Variants in NOVA1 observed in about 807,000 individuals in gnomAD.
NOVA1 encodes RNA-binding protein Nova-1.
Under a neutral mutation model 38.0 loss-of-function variants are expected in NOVA1, and 7 were observed. That is an observed-to-expected ratio of 0.18 (90% confidence interval 0.10 to 0.35). The LOEUF (loss-of-function observed/expected upper bound fraction) is 0.35. Ranked by LOEUF, NOVA1 falls within the 10% of genes least tolerant of loss-of-function variation. NOVA1 has a pLI of 1.00. For synonymous variants in NOVA1, 270 were observed against 232.5 expected (o/e 1.16, Z -1.47); for missense variants, 460 against 616.0 (o/e 0.75, Z 2.68).
At chr14:26,502,606 GAAA>G (rs35977485) in intron 2 of NOVA1, among the ~76,000 whole-genome samples, 2 of 126,570 alleles carry the variant, frequency 1.6e-5, no homozygotes, top group African/African-American at 2.8e-5. Flanking sequence ...CATGTTTCCA[GAAA>G]AAAAAAAAAA....
chr14:26,486,299 G>A (rs963765685), intron 2 of NOVA1, among the ~76,000 whole-genome samples: 2 of 151,832 alleles, frequency 1.3e-5, no homozygotes, highest in African/African-American at 2.4e-5. Flanking sequence ...TATTTTTGCT[G>A]TTTGCTAAAA....
At chr14:26,477,934 AGATT>A (rs1885117772) in intron 3 of NOVA1, among the ~76,000 whole-genome samples, 1 of 152,054 alleles carries the variant, frequency 6.6e-6, no homozygotes, top group African/African-American at 2.4e-5. Flanking sequence ...ATGTCTTATT[AGATT>A]TAGTGTTGTC....
chr14:26,518,539 T>C (rs1259865368), intron 2 of NOVA1, among the ~76,000 whole-genome samples: 1 of 152,086 alleles, frequency 6.6e-6, no homozygotes, highest in Admixed American at 6.6e-5. Context: ...CACATACTAA[T>C]TGTACATATT....
In NOVA1 at chr14:26,571,951, C is replaced by G. The variant is rs78457724; in HGVS notation, c.280+23459G>C. On this transcript the variant is annotated intron_variant, in intron 2 of 4. Coordinates refer to ENST00000539517, the MANE Select transcript of NOVA1 (RefSeq NM_002515.3). Reference sequence around the variant, plus strand: ...TAAATATAAATAAAGAAGGTGAAAGCATAGACTACAACAGCTTCCAAGTTT... The same window carrying G: ...TAAATATAAATAAAGAAGGTGAAAGGATAGACTACAACAGCTTCCAAGTTT... Among the ~76,000 whole-genome samples, 1,244 of 152,254 alleles carry G rather than the reference C, an allele frequency of 8.2e-3. 10 individuals carry two copies. Among genetic ancestry groups the G allele is most frequent in the Non-Finnish European group, 0.013 (887 of 68,006 alleles).
At chr14:26,488,129 T>C (rs971076655) in intron 2 of NOVA1, among the ~76,000 whole-genome samples, 1 of 152,166 alleles carries the variant, frequency 6.6e-6, no homozygotes, top group Non-Finnish European at 1.5e-5. Flanking sequence ...GGTGATTAAC[T>C]CTACACAATT....
In NOVA1 at chr14:26,597,509, T is replaced by TTTTTC; in HGVS notation, c.-74_-73insGAAAA. 2 of 633,910 alleles carry TTTTTC rather than the reference T, an allele frequency of 3.2e-6. No homozygotes were observed. Among genetic ancestry groups the TTTTTC allele is most frequent in the Non-Finnish European group, 3.9e-6 (2 of 512,064 alleles). The allele number at this position is 633,910 out of a possible 1,614,324, so 39.3% of individuals were successfully genotyped here. On this transcript the variant is annotated 5_prime_UTR_variant, in exon 1 of 5. Transcript: ENST00000539517. ...TTTGGCTTTTTCTTTTCTTTTTTCT[T>TTTTTC]TTTTTTTTTTTTTTTTTTTTGCGTT...
At chr14:26,450,569 CAT>C (rs1882584375) in intron 4 of NOVA1, among the ~76,000 whole-genome samples, 1 of 152,124 alleles carries the variant, frequency 6.6e-6, no homozygotes, top group Admixed American at 6.5e-5. Flanking sequence ...GAATGTTAAA[CAT>C]AAACTTCATA....
intron 2 of NOVA1, among the ~76,000 whole-genome samples, chr14:26,521,790 G>T (rs1370479434): frequency 6.6e-6 from 1 of 152,008 alleles, no homozygotes; most frequent in Non-Finnish European, 1.5e-5. Flanking sequence ...TGCAGGCCAA[G>T]AGGTTAAATC....
At chr14:26,579,798 T>C (rs1893098116) in intron 2 of NOVA1, among the ~76,000 whole-genome samples, 1 of 152,180 alleles carries the variant, frequency 6.6e-6, no homozygotes, top group Non-Finnish European at 1.5e-5. Flanking sequence ...TAAAATTTCT[T>C]AGATCCTTTA....
intron 2 of NOVA1, among the ~76,000 whole-genome samples, chr14:26,524,211 A>G (rs933331478): frequency 2.6e-5 from 4 of 152,202 alleles, no homozygotes; most frequent in South Asian, 2.1e-4. Context: ...AAACCTAGCT[A>G]TAACAGTTTG....
intron 4 of NOVA1, among the ~76,000 whole-genome samples, chr14:26,464,770 A>G (rs1687175745): frequency 6.6e-6 from 1 of 152,172 alleles, no homozygotes; most frequent in African/African-American, 2.4e-5. Flanking sequence ...ATTTTAATTT[A>G]AAAAGGATTG....
chr14:26,499,547 T>C (rs1326538801), intron 2 of NOVA1, among the ~76,000 whole-genome samples: 1 of 152,110 alleles, frequency 6.6e-6, no homozygotes, highest in East Asian at 1.9e-4. Context: ...AGAAACTCTA[T>C]GGGTAACATC....
At chr14:26,473,241 G>T (rs976119465) in intron 3 of NOVA1, among the ~76,000 whole-genome samples, 1 of 151,350 alleles carries the variant, frequency 6.6e-6, no homozygotes, top group African/African-American at 2.4e-5. Context: ...TACACATGTT[G>T]AACAATTCAT....
At chr14:26,582,186 C>T (rs1272477703) in intron 2 of NOVA1, among the ~76,000 whole-genome samples, 1 of 151,638 alleles carries the variant, frequency 6.6e-6, no homozygotes, top group Non-Finnish European at 1.5e-5. Context: ...TTTCCCAAAC[C>T]CGAAATTGTA....
intron 2 of NOVA1, among the ~76,000 whole-genome samples, chr14:26,564,336 T>G (rs1281860050): frequency 2.0e-5 from 3 of 152,126 alleles, no homozygotes; most frequent in Non-Finnish European, 4.4e-5. Context: ...TTTATACATA[T>G]GTATTAATTC....
rs555743390 is a variant in NOVA1 at position 26,536,154 on chromosome 14, A to C, written c.281-56011T>G. On this transcript the variant is annotated intron_variant, in intron 2 of 4. Transcript: ENST00000539517. ...CTCTCACTTATTTGTGGGATCTAAA[A>C]ATCAAATTTATTGAACTATGGACAG... 3.3e-5 allele frequency among the ~76,000 whole-genome samples: 5 copies of C among 152,074 alleles called. No individual in the cohort carries two copies. The East Asian group carries it at 9.7e-4, about 30-fold the overall frequency.
rs138736439 is a variant in NOVA1 at position 26,582,372 on chromosome 14, A to G, written c.280+13038T>C. Among the ~76,000 whole-genome samples, 651 of 152,002 alleles carry G rather than the reference A, an allele frequency of 4.3e-3. 4 individuals are homozygous for G. Among genetic ancestry groups the G allele is most frequent in the Middle Eastern group, 0.014 (4 of 294 alleles). ...CCTTGGATAAAAGCATAATTTTAAAAATAAAAAATGAATATTATGTCCATG... is the reference window on the plus strand; with the variant it reads ...CCTTGGATAAAAGCATAATTTTAAAGATAAAAAATGAATATTATGTCCATG... On this transcript the variant is annotated intron_variant, in intron 2 of 4. Coordinates refer to ENST00000539517, the MANE Select transcript of NOVA1 (RefSeq NM_002515.3).
In NOVA1 at chr14:26,520,214, T is replaced by C. The variant is rs184919293; in HGVS notation, c.281-40071A>G. Among the ~76,000 whole-genome samples, 59 of 152,320 alleles carry C rather than the reference T, an allele frequency of 3.9e-4. No homozygotes were observed. The East Asian group carries it at 0.011, about 28-fold the overall frequency. ...CATATTTAAACTGAATAGATTCACT[T>C]ATGGTGCATTTCTTTCTACATAAAC... On this transcript the variant is annotated intron_variant, in intron 2 of 4. Transcript: ENST00000539517.
intron 2 of NOVA1, chr14:26,594,396 CTGAATT>C (rs1411788363): frequency 2.6e-5 from 4 of 151,898 alleles, no homozygotes; most frequent in Non-Finnish European, 5.9e-5. Flanking sequence ...AGAACTCTTA[CTGAATT>C]AGATCACTGA....
Sources: allele counts gnomAD v4.1 joint callset (sites outside exome capture counted in the v4.1 genomes callset), GRCh38; gene constraint gnomAD v4.1.1; transcripts MANE v1.5; gene names NCBI Gene and HGNC (gene_info 2026-07-23, HGNC 2026-07-21).